HPCAL4: variants seen among roughly 807,000 people sequenced by gnomAD.
HPCAL4 encodes hippocalcin-like protein 4.
Under a neutral mutation model 18.2 loss-of-function variants are expected in HPCAL4, and 16 were observed. The observed-to-expected ratio is 0.88, with a 90% CI of 0.59 to 1.33. The LOEUF is 1.33. Among genes scored for constraint, HPCAL4 ranks in the 40% most tolerant of loss-of-function variants. The probability of loss-of-function intolerance (pLI) is 0.00; values close to 1 mark genes in which losing one functional copy is unlikely to be tolerated. For synonymous variants in HPCAL4, 80 were observed against 97.5 expected (o/e 0.82, Z 1.06); for missense variants, 214 against 256.6 (o/e 0.83, Z 1.14).
At position 39,682,593 on chromosome 1, in the gene HPCAL4, C is replaced by T. The variant is rs1237286108; in HGVS notation, c.519G>A (p.Glu173=). The T allele has an allele frequency of 5.6e-6, 9 of 1,614,266 alleles. No individual in the cohort carries two copies. Among genetic ancestry groups the T allele is most frequent in the Non-Finnish European group, 6.8e-6 (8 of 1,180,050 alleles). The change falls in exon 4 of 4, where the codon GAG becomes GAA. Residue 173 remains glutamate (E), a synonymous_variant. Transcript: ENST00000372844. ...CAATGGATGGGTCACTCTTGGCTGC[C>T]TCCTTGAACTCCTCCAATGTAATCT... ...DDQITLEEFK[E]AAKSDPSIVL... is the part of the protein sequence containing the mutation.
chr1:39,690,654 G>A (rs1646710913), intron 1 of HPCAL4, among the ~76,000 whole-genome samples: 1 of 152,096 alleles, frequency 6.6e-6, no homozygotes, highest in Admixed American at 6.5e-5. Flanking sequence ...TGCCAAATAT[G>A]GGGCCTCTGC....
intron 1 of HPCAL4, among the ~76,000 whole-genome samples, chr1:39,685,741 G>T (rs932173594): frequency 6.6e-6 from 1 of 151,712 alleles, no homozygotes; most frequent in Non-Finnish European, 1.5e-5. Context: ...TTAGCTGGGC[G>T]TCGTGGCAGG....
chr1:39,684,831 C>G (rs892580832), intron 1 of HPCAL4, among the ~76,000 whole-genome samples: 2 of 152,236 alleles, frequency 1.3e-5, no homozygotes, highest in African/African-American at 4.8e-5. Flanking sequence ...CAGCTCTCCT[C>G]CTCACTGACC....
In HPCAL4 at chr1:39,679,060, C is replaced by A. The variant is rs1434717214; in HGVS notation, c.*3476G>T. 1 of 152,226 alleles carries A rather than the reference C, an allele frequency of 6.6e-6. No individual in the cohort carries two copies. Among genetic ancestry groups the A allele is most frequent in the Non-Finnish European group, 1.5e-5 (1 of 68,040 alleles). The allele number at this position is 152,226 out of a possible 1,614,324, so 9.4% of individuals were successfully genotyped here. ...AACATGTAAGACATTCTTGACCCCA[C>A]AGTGATCTCTAAAGTCAGCTCAAAG... On this transcript the variant is annotated 3_prime_UTR_variant, in exon 4 of 4. Coordinates refer to ENST00000372844, the MANE Select transcript of HPCAL4 (RefSeq NM_016257.4).
intron 1 of HPCAL4, among the ~76,000 whole-genome samples, chr1:39,685,117 C>T (rs1260036839): frequency 6.6e-6 from 1 of 152,228 alleles, no homozygotes; most frequent in African/African-American, 2.4e-5. Flanking sequence ...AATAGAAATC[C>T]TCTACTGACA....
chr1:39,688,843 T>C (rs549736563), intron 1 of HPCAL4, among the ~76,000 whole-genome samples: 36 of 152,362 alleles, frequency 2.4e-4, no homozygotes, highest in Admixed American at 2.2e-3. Flanking sequence ...CAGGGCCTGG[T>C]TGAAGCCTGC....
chr1:39,684,459 G>C lies in HPCAL4; in HGVS notation c.145C>G (p.Gln49Glu), dbSNP rs1646657179. 3 of 1,607,762 alleles carry C rather than the reference G, an allele frequency of 1.9e-6. No individual in the cohort carries two copies. In the African/African-American group the frequency reaches 4.0e-5, roughly 22 times the overall value. Residue 49 changes from glutamine (Q) to glutamate (E), a missense_variant, in exon 2 of 4, where the codon CAG (glutamine) becomes GAG (glutamate). By Grantham distance (29) the Gln-to-Glu change is conservative. Coordinates refer to ENST00000372844, the MANE Select transcript of HPCAL4 (RefSeq NM_016257.4). ...CCGCCCACCTTGATGTAGAGCTGCT[G>C]AAACTCCTCCAGGTTGAGGATGCCG... The part of the protein sequence containing the change: ...PSGILNLEEF[Q>E]QLYIKFFPYG...
chr1:39,683,246 A>G (rs1227932301), intron 3 of HPCAL4, among the ~76,000 whole-genome samples: 1 of 152,138 alleles, frequency 6.6e-6, no homozygotes. Flanking sequence ...CAGAAGCCCA[A>G]CTCCGTGGAG....
At chr1:39,690,449 A>G (rs780669302) in intron 1 of HPCAL4, among the ~76,000 whole-genome samples, 1 of 152,222 alleles carries the variant, frequency 6.6e-6, no homozygotes, top group Non-Finnish European at 1.5e-5. Flanking sequence ...AGCAGCAGGA[A>G]GGTGGGAGAG....
At position 39,682,945 on chromosome 1, in the gene HPCAL4, G is replaced by A. The variant is rs182382130; in HGVS notation, c.379-212C>T. On this transcript the variant is annotated intron_variant, in intron 3 of 3. Transcript: ENST00000372844. ...GTTGCCCAGGATGGAGTGCAATGGC[G>A]CGATCTCGGCTTACTGCAACCTCTG... 1.8e-4 allele frequency among the ~76,000 whole-genome samples: 27 copies of A among 152,114 alleles called. 1 individual carries two copies. In the East Asian group the frequency reaches 4.1e-3, roughly 23 times the overall value.
In HPCAL4 at chr1:39,682,156, C is replaced by T. The variant is rs1033427064; in HGVS notation, c.*380G>A. ...CAGGAATGGACAGACCCAATTTGGC[C>T]CTGTGACAGGCCTGTGGGACCACAT... On this transcript the variant is annotated 3_prime_UTR_variant, in exon 4 of 4. Coordinates refer to ENST00000372844, the MANE Select transcript of HPCAL4 (RefSeq NM_016257.4). 5.0e-5 allele frequency: 12 copies of T among 237,728 alleles called. No individual in the cohort carries two copies. Among genetic ancestry groups the T allele is most frequent in the Non-Finnish European group, 7.5e-5 (9 of 119,822 alleles). The allele number at this position is 237,728 out of a possible 1,614,324, so 14.7% of individuals were successfully genotyped here. A position where few individuals can be genotyped will look rare whatever the true frequency, so the allele number is the denominator to read the frequency against.
intron 1 of HPCAL4, among the ~76,000 whole-genome samples, chr1:39,688,649 C>A (rs185484110): frequency 5.9e-5 from 9 of 152,294 alleles, no homozygotes; most frequent in Admixed American, 5.2e-4. Flanking sequence ...CCCTGAAACT[C>A]TAGAATCCTC....
chr1:39,683,854 G>GA, intron 3 of HPCAL4, 83 bp downstream of exon 3: 1 of 1,288,136 alleles, frequency 7.8e-7, no homozygotes, highest in East Asian at 2.4e-5. Flanking sequence ...GGGAGGCCCC[G>GA]AAGCCCGAGA....
Position 39,684,457 on chromosome 1 carries a change from C to A in HPCAL4, c.147G>T (p.Gln49His). The change falls in exon 2 of 4, where the codon CAG becomes CAT. Residue 49 changes from glutamine to histidine, a missense_variant. Physicochemically the swap from Gln to His is conservative, Grantham distance 24 (BLOSUM62 0). Coordinates refer to ENST00000372844, the MANE Select transcript of HPCAL4 (RefSeq NM_016257.4). ...PSGILNLEEF[Q>H]QLYIKFFPYG... Reference sequence around the variant, plus strand: ...GGCCGCCCACCTTGATGTAGAGCTGCTGAAACTCCTCCAGGTTGAGGATGC... The same window carrying A: ...GGCCGCCCACCTTGATGTAGAGCTGATGAAACTCCTCCAGGTTGAGGATGC... The A allele has an allele frequency of 1.9e-6, 3 of 1,607,198 alleles. No individual in the cohort carries two copies. The highest frequency in any genetic ancestry group is 2.5e-6 in the Non-Finnish European group (3 of 1,176,880).
At position 39,681,916 on chromosome 1, in the gene HPCAL4, A is replaced by C. The variant is rs895245526; in HGVS notation, c.*620T>G. The C allele has an allele frequency of 6.5e-6, 1 of 153,064 alleles. No homozygotes were observed. Among genetic ancestry groups the C allele is most frequent in the Non-Finnish European group, 1.5e-5 (1 of 68,414 alleles). 9.5% of individuals were successfully genotyped at this position (153,064 alleles called of 1,614,324 possible). Reference sequence around the variant, plus strand: ...CCTTCCAGCACCTTCTGCTTAGCTGAGACCCTGACGGCTGGAAGTTTGCCT... The same window carrying C: ...CCTTCCAGCACCTTCTGCTTAGCTGCGACCCTGACGGCTGGAAGTTTGCCT... On this transcript the variant is annotated 3_prime_UTR_variant, in exon 4 of 4. Coordinates refer to ENST00000372844, the MANE Select transcript of HPCAL4 (RefSeq NM_016257.4).
chr1:39,680,952 T>A lies in HPCAL4; in HGVS notation c.*1584A>T, dbSNP rs1398951991. ...CAGCAATCATTTCCTGCTCCCACCC[T>A]GGGCTGACAGCACCTGTGTACTAGA... On this transcript the variant is annotated 3_prime_UTR_variant, in exon 4 of 4. Coordinates refer to ENST00000372844, the MANE Select transcript of HPCAL4 (RefSeq NM_016257.4). 6.5e-6 allele frequency: 1 copy of A among 152,676 alleles called. No homozygotes were observed. The highest frequency in any genetic ancestry group is 1.5e-5 in the Non-Finnish European group (1 of 68,036). 9.5% of individuals were successfully genotyped at this position (152,676 alleles called of 1,614,324 possible).
Position 39,681,385 on chromosome 1 carries a change from C to T in HPCAL4, c.*1151G>A, listed in dbSNP as rs1014233361. On this transcript the variant is annotated 3_prime_UTR_variant, in exon 4 of 4. Transcript: ENST00000372844. ...CTAAACCCAATCCAGAAACGAACTACCAAGATACGGAATATACACTAGTTT... is the reference window on the plus strand; with the variant it reads ...CTAAACCCAATCCAGAAACGAACTATCAAGATACGGAATATACACTAGTTT... The T allele has an allele frequency of 1.3e-5, 2 of 152,212 alleles. No individual in the cohort carries two copies. The highest frequency in any genetic ancestry group is 4.8e-5 in the African/African-American group (2 of 41,446). 9.4% of individuals were successfully genotyped at this position (152,212 alleles called of 1,614,324 possible).
rs1413897433 is a variant in HPCAL4 at position 39,679,880 on chromosome 1, T to G, written c.*2656A>C. Reference sequence around the variant, plus strand: ...GAGGAGCAAAAATCACCCATGGGTATGTGTGTCCAGAAGCCTGGAGTAATC... The same window carrying G: ...GAGGAGCAAAAATCACCCATGGGTAGGTGTGTCCAGAAGCCTGGAGTAATC... On this transcript the variant is annotated 3_prime_UTR_variant, in exon 4 of 4. Transcript: ENST00000372844. 1 of 152,408 alleles carries G rather than the reference T, an allele frequency of 6.6e-6. No individual in the cohort carries two copies. Among genetic ancestry groups the G allele is most frequent in the Non-Finnish European group, 1.5e-5 (1 of 68,064 alleles). 9.4% of individuals were successfully genotyped at this position (152,408 alleles called of 1,614,324 possible).
intron 1 of HPCAL4, among the ~76,000 whole-genome samples, chr1:39,690,804 A>G (rs482326): frequency 0.29 from 44,611 of 151,306 alleles, 6,894 homozygotes; most frequent in Non-Finnish European, 0.33. Flanking sequence ...TGGGGACAAC[A>G]AGGAGGGAGC....
Sources: allele counts gnomAD v4.1 joint callset (sites outside exome capture counted in the v4.1 genomes callset), GRCh38; gene constraint gnomAD v4.1.1; transcripts MANE v1.5; gene names NCBI Gene and HGNC (gene_info 2026-07-23, HGNC 2026-07-21).